PCDHB7: variants seen among roughly 807,000 people sequenced by gnomAD.
PCDHB7 encodes the protein protocadherin beta 7.
For synonymous variants in PCDHB7, 542 were observed against 463.1 expected, an observed-to-expected ratio of 1.17 and a Z score of -2.19; for missense variants, 1,148 against 1,011.6, an observed-to-expected ratio of 1.13 and a Z score of -1.83.
At position 141,173,131 on chromosome 5, in the gene PCDHB7, G is replaced by C. The variant is rs782722980; in HGVS notation, c.296G>C (p.Arg99Thr). 6.2e-7 allele frequency: 1 copy of C among 1,614,224 alleles called. No individual in the cohort carries two copies. Among genetic ancestry groups the C allele is most frequent in the Non-Finnish European group, 8.5e-7 (1 of 1,180,036 alleles). The change falls in exon 1 of 1, where the codon AGA (arginine) becomes ACA (threonine). Residue 99 changes from arginine (R) to threonine (T), a missense_variant. Transcript: ENST00000231137. ...KLDREELCGP[R>T]EPCVLPFQLL... ...GACCGAGAGGAACTGTGTGGCCCCAGAGAGCCCTGTGTGCTGCCTTTCCAG... is the reference window on the plus strand; with the variant it reads ...GACCGAGAGGAACTGTGTGGCCCCACAGAGCCCTGTGTGCTGCCTTTCCAG...
In PCDHB7 at chr5:141,173,385, G is replaced by A. The variant is rs146757937; in HGVS notation, c.550G>A (p.Asp184Asn). Residue 184 changes from aspartate (D) to asparagine (N), a missense_variant, in exon 1 of 1, where the codon GAT (aspartate) becomes AAT (asparagine). Transcript: ENST00000231137. ...TGCCTATTTCCATATTAATGTCCAT[G>A]ATAGCGGGGAGGGGAATATCTATCC... Reference protein sequence around the residue: ...PNAYFHINVHDSGEGNIYPEL... With the variant: ...PNAYFHINVHNSGEGNIYPEL... 2.9e-5 allele frequency: 46 copies of A among 1,613,990 alleles called. No homozygotes were observed. The highest frequency in any genetic ancestry group is 1.5e-4 in the Admixed American group (9 of 59,998).
In PCDHB7 at chr5:141,174,095, C is replaced by A. The variant is rs782090229; in HGVS notation, c.1260C>A (p.Thr420=). ...DRERNTEYNI[T]ITVTDLGTPR... is the part of the protein sequence containing the mutation. ...AGAGGAACACTGAGTACAACATCAC[C>A]ATCACCGTCACCGACTTGGGGACAC... Residue 420 remains threonine, a synonymous_variant, in exon 1 of 1, where the codon ACC becomes ACA. Coordinates refer to ENST00000231137, the MANE Select transcript of PCDHB7 (RefSeq NM_018940.4). 5.0e-6 allele frequency: 8 copies of A among 1,614,146 alleles called. No homozygotes were observed. The highest frequency in any genetic ancestry group is 6.8e-6 in the Non-Finnish European group (8 of 1,180,030).
chr5:141,174,976 G>A lies in PCDHB7; in HGVS notation c.2141G>A (p.Arg714Lys), dbSNP rs138922913. Residue 714 changes from arginine (R) to lysine (K), a missense_variant, in exon 1 of 1, where the codon AGG becomes AAG. Transcript: ENST00000231137. ...LLFVAVRLCR[R>K]SRAAPVGRCS... is the part of the protein sequence containing the mutation. ...TTCGTGGCGGTGCGGCTGTGCAGGAGGAGCAGGGCGGCCCCGGTGGGTCGC... is the reference window on the plus strand; with the variant it reads ...TTCGTGGCGGTGCGGCTGTGCAGGAAGAGCAGGGCGGCCCCGGTGGGTCGC... 5.2e-3 allele frequency: 8,438 copies of A among 1,610,048 alleles called. 50 individuals carry two copies. The highest frequency in any genetic ancestry group is 6.3e-3 in the Non-Finnish European group (7,451 of 1,176,862).
In PCDHB7 at chr5:141,175,151, G is replaced by T. The variant is rs774018894; in HGVS notation, c.2316G>T (p.Leu772=). 8.2e-5 allele frequency: 132 copies of T among 1,613,860 alleles called. No individual in the cohort carries two copies. The highest frequency in any genetic ancestry group is 3.3e-4 in the Middle Eastern group (2 of 6,082). ...TTCTGAAACCAATTATCCCCAACCT[G>T]CTACCCCAGAGCACAGGCAGGGAAG... ...FKFLKPIIPN[L]LPQSTGREVE... Residue 772 remains leucine, a synonymous_variant, in exon 1 of 1, where the codon CTG becomes CTT. Transcript: ENST00000231137.
In PCDHB7 at chr5:141,175,056, G is replaced by T. The variant is rs1365099109; in HGVS notation, c.2221G>T (p.Gly741Trp). Residue 741 changes from glycine to tryptophan, a missense_variant, in exon 1 of 1, where the codon GGG (glycine) becomes TGG (tryptophan). Gly to Trp is a radical substitution (Grantham distance 184). Coordinates refer to ENST00000231137, the MANE Select transcript of PCDHB7 (RefSeq NM_018940.4). ...ACATCTGGTGGACTTGAGCGGCACC[G>T]GGACCCTATCCCAGAGCTACCAGTA... ...PRHLVDLSGT[G>W]TLSQSYQYEV... is the part of the protein sequence containing the mutation. 2 of 1,614,110 alleles carry T rather than the reference G, an allele frequency of 1.2e-6. No individual in the cohort carries two copies. Among genetic ancestry groups the T allele is most frequent in the African/African-American group, 2.7e-5 (2 of 74,932 alleles).
chr5:141,173,532 C>T lies in PCDHB7; in HGVS notation c.697C>T (p.Leu233=). 1 of 1,613,794 alleles carries T rather than the reference C, an allele frequency of 6.2e-7. No individual in the cohort carries two copies. Among genetic ancestry groups the T allele is most frequent in the Non-Finnish European group, 8.5e-7 (1 of 1,179,752 alleles). The part of the protein sequence containing the change: ...SGTALVRILV[L]DVNDNAPDFV... ...GACCGCCCTCGTGCGCATTCTGGTT[C>T]TAGACGTAAATGACAACGCCCCTGA... is the stretch of plus-strand genomic sequence containing the variant. The change falls in exon 1 of 1, where the codon CTA becomes TTA. Residue 233 remains leucine, a synonymous_variant. Transcript: ENST00000231137.
At position 141,175,251 on chromosome 5, in the gene PCDHB7, AC is replaced by A; in HGVS notation, c.*35del. 1.9e-6 allele frequency: 3 copies of A among 1,563,046 alleles called. No homozygotes were observed. In the South Asian group the frequency reaches 3.6e-5, roughly 19 times the overall value. On this transcript the variant is annotated 3_prime_UTR_variant, in exon 1 of 1. Coordinates refer to ENST00000231137, the MANE Select transcript of PCDHB7 (RefSeq NM_018940.4). ...GTAAACTAAATCCGCGTCTGTGAATACGTTTCTGATTAGGAACTTATTGCGA... is the reference window on the plus strand; with the variant it reads ...GTAAACTAAATCCGCGTCTGTGAATAGTTTCTGATTAGGAACTTATTGCGA...
rs1554280464 is a variant in PCDHB7 at position 141,175,089 on chromosome 5, T to A, written c.2254T>A (p.Cys752Ser). Residue 752 changes from cysteine (C) to serine (S), a missense_variant, in exon 1 of 1, where the codon TGC becomes AGC. Coordinates refer to ENST00000231137, the MANE Select transcript of PCDHB7 (RefSeq NM_018940.4). The part of the protein sequence containing the change: ...TLSQSYQYEV[C>S]LTGGSGTNEF... The stretch of plus-strand genomic sequence containing the variant: ...ATCCCAGAGCTACCAGTATGAGGTG[T>A]GCCTGACTGGAGGCTCCGGGACAAA... 6.2e-7 allele frequency: 1 copy of A among 1,614,114 alleles called. No individual in the cohort carries two copies. The highest frequency in any genetic ancestry group is 1.7e-5 in the Admixed American group (1 of 60,010).
Position 141,175,078 on chromosome 5 carries a change from A to G in PCDHB7, c.2243A>G (p.Gln748Arg), listed in dbSNP as rs1554280460. 1 of 1,614,252 alleles carries G rather than the reference A, an allele frequency of 6.2e-7. No individual in the cohort carries two copies. The highest frequency in any genetic ancestry group is 8.5e-7 in the Non-Finnish European group (1 of 1,180,050). ...SGTGTLSQSY[Q>R]YEVCLTGGSG... ...ACCGGGACCCTATCCCAGAGCTACC[A>G]GTATGAGGTGTGCCTGACTGGAGGC... The change falls in exon 1 of 1, where the codon CAG (glutamine) becomes CGG (arginine). Residue 748 changes from glutamine (Q) to arginine (R), a missense_variant. By Grantham distance (43) the Gln-to-Arg change is conservative (BLOSUM62 1). Transcript: ENST00000231137.
rs1753358792 is a variant in PCDHB7 at position 141,175,457 on chromosome 5, G to A, written c.*240G>A. 13 of 543,706 alleles carry A rather than the reference G, an allele frequency of 2.4e-5. No individual in the cohort carries two copies. The South Asian group carries it at 4.2e-4, about 17-fold the overall frequency. The allele number at this position is 543,706 out of a possible 1,614,324, so 33.7% of individuals were successfully genotyped here. A position where few individuals can be genotyped will look rare whatever the true frequency, so the allele number is the denominator to read the frequency against. ...ATGCTTAATATACAGTCTATTAAAT[G>A]TAAGTCTTGTTTGAGATATTTTAAA... On this transcript the variant is annotated 3_prime_UTR_variant, in exon 1 of 1. Transcript: ENST00000231137.
Position 141,174,458 on chromosome 5 carries a change from G to A in PCDHB7, c.1623G>A (p.Leu541=), listed in dbSNP as rs1753317117. ...CCACAGACCGCGGCTCCCCCGCGCT[G>A]AGCAGCGAGGCGCTGGTGCGCGTGC... ...VGATDRGSPA[L]SSEALVRVLV... Residue 541 remains leucine (L), a synonymous_variant, in exon 1 of 1, where the codon CTG becomes CTA. Coordinates refer to ENST00000231137, the MANE Select transcript of PCDHB7 (RefSeq NM_018940.4). 1 of 1,611,514 alleles carries A rather than the reference G, an allele frequency of 6.2e-7. No homozygotes were observed. The highest frequency in any genetic ancestry group is 1.3e-5 in the African/African-American group (1 of 74,870).
chr5:141,173,963 G>C lies in PCDHB7; in HGVS notation c.1128G>C (p.Gly376=), dbSNP rs201912596. The part of the protein sequence containing the change: ...AVFRIRDRDS[G]NNGKTVCSIQ... ...TTAGGATTAGAGACAGAGATTCCGGGAACAATGGAAAGACAGTGTGCTCCA... is the reference window on the plus strand; with the variant it reads ...TTAGGATTAGAGACAGAGATTCCGGCAACAATGGAAAGACAGTGTGCTCCA... Residue 376 remains glycine, a synonymous_variant, in exon 1 of 1, where the codon GGG becomes GGC. Coordinates refer to ENST00000231137, the MANE Select transcript of PCDHB7 (RefSeq NM_018940.4). 1.2e-6 allele frequency: 2 copies of C among 1,613,852 alleles called. No individual in the cohort carries two copies. Among genetic ancestry groups the C allele is most frequent in the South Asian group, 2.2e-5 (2 of 91,056 alleles).
Position 141,174,412 on chromosome 5 carries a change from C to A in PCDHB7, c.1577C>A (p.Ala526Glu), listed in dbSNP as rs373682476. ...TCCCTGGACTACGAGGCCCTGCAGG[C>A]GTTCGAGTTCCGCGTGGGCGCCACA... ...LRSLDYEALQ[A>E]FEFRVGATDR... Residue 526 changes from alanine to glutamate, a missense_variant, in exon 1 of 1, where the codon GCG becomes GAG. Ala to Glu is a moderately radical substitution (Grantham distance 107). Coordinates refer to ENST00000231137, the MANE Select transcript of PCDHB7 (RefSeq NM_018940.4). 1.8e-5 allele frequency: 29 copies of A among 1,612,198 alleles called. No individual in the cohort carries two copies. Among genetic ancestry groups the A allele is most frequent in the Non-Finnish European group, 2.4e-5 (28 of 1,179,812 alleles).
Position 141,175,044 on chromosome 5 carries a change from T to C in PCDHB7, c.2209T>C (p.Leu737=). ...CCCCTTTCCACGACATCTGGTGGAC[T>C]TGAGCGGCACCGGGACCCTATCCCA... The part of the protein sequence containing the change: ...EGPFPRHLVD[L]SGTGTLSQSY... The change falls in exon 1 of 1, where the codon TTG becomes CTG. Residue 737 remains leucine, a synonymous_variant. Transcript: ENST00000231137. The C allele has an allele frequency of 6.2e-7, 1 of 1,614,114 alleles. No homozygotes were observed. The highest frequency in any genetic ancestry group is 2.2e-5 in the East Asian group (1 of 44,870).
chr5:141,174,510 C>A lies in PCDHB7; in HGVS notation c.1675C>A (p.Pro559Thr). 1 of 1,610,874 alleles carries A rather than the reference C, an allele frequency of 6.2e-7. No individual in the cohort carries two copies. Among genetic ancestry groups the A allele is most frequent in the Non-Finnish European group, 8.5e-7 (1 of 1,179,600 alleles). ...GGTGCTGGACGCCAACGACAACTCG[C>A]CCTTCGTGCTGTACCCGCTGCAGAA... ...VLVLDANDNS[P>T]FVLYPLQNSS... Residue 559 changes from proline (P) to threonine (T), a missense_variant, in exon 1 of 1, where the codon CCC becomes ACC. Coordinates refer to ENST00000231137, the MANE Select transcript of PCDHB7 (RefSeq NM_018940.4).
rs1554280086 is a variant in PCDHB7, at chr5:141,173,918, C to T, written c.1083C>T (p.Pro361=). The change falls in exon 1 of 1, where the codon CCC becomes CCT. Residue 361 remains proline (P), a synonymous_variant. Coordinates refer to ENST00000231137, the MANE Select transcript of PCDHB7 (RefSeq NM_018940.4). The part of the protein sequence containing the change: ...SLTSPIAENS[P]ETVVAVFRIR... ...CTAGCCCAATTGCAGAAAACTCACC[C>T]GAGACAGTCGTGGCTGTTTTTAGGA... 2.5e-6 allele frequency: 4 copies of T among 1,612,414 alleles called. No homozygotes were observed. Among genetic ancestry groups the T allele is most frequent in the African/African-American group, 2.7e-5 (2 of 74,864 alleles).
In PCDHB7 at chr5:141,173,415, T is replaced by C. The variant is rs782130762; in HGVS notation, c.580T>C (p.Leu194=). ...CGGGGAGGGGAATATCTATCCCGAA[T>C]TGGTGCTGAATCAAGTGCTGGATCG... ...DSGEGNIYPE[L]VLNQVLDREE... The change falls in exon 1 of 1, where the codon TTG becomes CTG. Residue 194 remains leucine (L), a synonymous_variant. Coordinates refer to ENST00000231137, the MANE Select transcript of PCDHB7 (RefSeq NM_018940.4). 9.3e-6 allele frequency: 15 copies of C among 1,614,076 alleles called. No individual in the cohort carries two copies. Among genetic ancestry groups the C allele is most frequent in the African/African-American group, 4.0e-5 (3 of 74,940 alleles).
At position 141,173,210 on chromosome 5, in the gene PCDHB7, C is replaced by T. The variant is rs1554279939; in HGVS notation, c.375C>T (p.Asp125=). The change falls in exon 1 of 1, where the codon GAC becomes GAT. Residue 125 remains aspartate, a synonymous_variant. Transcript: ENST00000231137. The part of the protein sequence containing the change: ...QIFRAELWVR[D]INDHAPVFLD... ...TCCGTGCTGAACTATGGGTCAGAGA[C>T]ATCAATGATCACGCTCCAGTATTTC... The T allele has an allele frequency of 1.2e-6, 2 of 1,614,038 alleles. No homozygotes were observed. Among genetic ancestry groups the T allele is most frequent in the East Asian group, 2.2e-5 (1 of 44,886 alleles).
Position 141,173,722 on chromosome 5 carries a change from C to T in PCDHB7, c.887C>T (p.Pro296Leu), listed in dbSNP as rs1554280047. The T allele has an allele frequency of 1.2e-6, 2 of 1,613,754 alleles. No homozygotes were observed. Among genetic ancestry groups the T allele is most frequent in the African/African-American group, 2.7e-5 (2 of 74,920 alleles). Residue 296 changes from proline to leucine, a missense_variant, in exon 1 of 1, where the codon CCA becomes CTA. By Grantham distance (98) the Pro-to-Leu change is moderately conservative. Coordinates refer to ENST00000231137, the MANE Select transcript of PCDHB7 (RefSeq NM_018940.4). Reference sequence around the variant, plus strand: ...ATTCTCAAAACGTTTCAAATCAATCCAACATCTGGCAGTCTTCATCTTAAA... The same window carrying T: ...ATTCTCAAAACGTTTCAAATCAATCTAACATCTGGCAGTCTTCATCTTAAA... ...ERILKTFQINPTSGSLHLKAQ... is the reference protein window; with the variant it reads ...ERILKTFQINLTSGSLHLKAQ...
Sources: gnomAD v4.1 joint callset for allele counts on GRCh38, gnomAD v4.1.1 for gene constraint, MANE v1.5 for transcripts, NCBI Gene and HGNC (gene_info 2026-07-23, HGNC 2026-07-21) for gene names.